ASB18: variants seen among roughly 807,000 people sequenced by gnomAD.
ASB18 encodes ankyrin repeat and SOCS box containing 18.
Under a neutral mutation model 33.4 loss-of-function variants are expected in ASB18, and 33 were observed. The observed-to-expected ratio is 0.99, with a 90% CI of 0.75 to 1.32. ASB18 has a LOEUF of 1.32. ASB18 is among the 40% of genes most tolerant of loss of function. The pLI is 0.00. For synonymous variants in ASB18, 295 were observed against 307.6 expected, an observed-to-expected ratio of 0.96 and a Z score of 0.43; for missense variants, 694 against 655.5, an observed-to-expected ratio of 1.06 and a Z score of -0.64.
Position 236,217,784 on chromosome 2 carries a change from T to G in ASB18, c.597-2918A>C, listed in dbSNP as rs569025348. 6.6e-6 allele frequency among the ~76,000 whole-genome samples: 1 copy of G among 152,306 alleles called. No individual in the cohort carries two copies. The highest frequency in any genetic ancestry group is 1.9e-4 in the East Asian group (1 of 5,188). On this transcript the variant is annotated intron_variant, in intron 3 of 5. Coordinates refer to ENST00000409749, the MANE Select transcript of ASB18 (RefSeq NM_212556.4). This position sits in a 1 kb window ranked among gnomAD's most constrained non-coding sequence, Gnocchi z 5.2. ...TGGTCTGTCTTGAGTGAAAGATCTT[T>G]ACAAACAAGTACAGTTTGATGTGGA...
rs1040634506 is a variant in ASB18 at position 236,214,166 on chromosome 2, G to C, written c.1101+196C>G. ...ATGGGGTCCCAGGAACAGCAGTCTA[G>C]GCCACACCCGGGAGCTTGTTGGCAA... On this transcript the variant is annotated intron_variant, in intron 4 of 5. Coordinates refer to ENST00000409749, the MANE Select transcript of ASB18 (RefSeq NM_212556.4). This position sits in a 1 kb window ranked among gnomAD's most constrained non-coding sequence, Gnocchi z 6.5. 3.3e-6 allele frequency: 2 copies of C among 605,370 alleles called. No individual in the cohort carries two copies. Among genetic ancestry groups the C allele is most frequent in the African/African-American group, 4.0e-5 (2 of 50,628 alleles). 37.5% of individuals were successfully genotyped at this position (605,370 alleles called of 1,614,324 possible).
In ASB18 at chr2:236,211,389, C is replaced by T. The variant is rs2060457828; in HGVS notation, c.1101+2973G>A. Reference sequence around the variant, plus strand: ...TTGATTCTCACTGCAGAGCACTGCGCCGGCTCGGAAGGATGCCCTGTGTCC... The same window carrying T: ...TTGATTCTCACTGCAGAGCACTGCGTCGGCTCGGAAGGATGCCCTGTGTCC... On this transcript the variant is annotated intron_variant, in intron 4 of 5. Transcript: ENST00000409749. This position sits in a 1 kb window ranked among gnomAD's most constrained non-coding sequence, Gnocchi z 5.0. Among the ~76,000 whole-genome samples, 1 of 152,256 alleles carries T rather than the reference C, an allele frequency of 6.6e-6. No individual in the cohort carries two copies.
rs1440625237 is a variant in ASB18, at chr2:236,239,018, AG to A, written c.329-1063del. ...AGCTTGTTGTGCACTCAGTGGGGGA[AG>A]GGGGGCCTGTGGGACTGGCATGGAA... On this transcript the variant is annotated intron_variant, in intron 2 of 5. Coordinates refer to ENST00000409749, the MANE Select transcript of ASB18 (RefSeq NM_212556.4). This position sits in a 1 kb window ranked among gnomAD's most constrained non-coding sequence, Gnocchi z 5.6. Among the ~76,000 whole-genome samples, 2 of 152,082 alleles carry A rather than the reference AG, an allele frequency of 1.3e-5. No homozygotes were observed. The highest frequency in any genetic ancestry group is 6.6e-5 in the Admixed American group (1 of 15,266).
Position 236,231,048 on chromosome 2 carries a change from C to T in ASB18, c.596+6641G>A, listed in dbSNP as rs2060562250. 6.6e-6 allele frequency among the ~76,000 whole-genome samples: 1 copy of T among 152,154 alleles called. No individual in the cohort carries two copies. Among genetic ancestry groups the T allele is most frequent in the African/African-American group, 2.4e-5 (1 of 41,422 alleles). Reference sequence around the variant, plus strand: ...GTAGGCAGTATCTAGCATGGTCCCCCACTGAAGTCTATCTTCTGGTGTCCA... The same window carrying T: ...GTAGGCAGTATCTAGCATGGTCCCCTACTGAAGTCTATCTTCTGGTGTCCA... On this transcript the variant is annotated intron_variant, in intron 3 of 5. Transcript: ENST00000409749. The surrounding 1 kb of genome is among the most constrained non-coding windows in gnomAD (Gnocchi z 5.5).
chr2:236,230,530 T>C (rs2060559358), intron 3 of ASB18, among the ~76,000 whole-genome samples: 1 of 151,854 alleles, frequency 6.6e-6, no homozygotes, highest in African/African-American at 2.4e-5. Flanking sequence ...AGCAATGTAT[T>C]GCAGGACTTT....
chr2:236,249,457 C>T lies in ASB18; in HGVS notation c.206-8055G>A, dbSNP rs2060659360. On this transcript the variant is annotated intron_variant, in intron 1 of 5. Transcript: ENST00000409749. The surrounding 1 kb of genome is among the most constrained non-coding windows in gnomAD (Gnocchi z 4.6). ...TCACTTCCATTTCTGTTTCCATTCT[C>T]TCTGGTACAGCCATGGAAATCCTCC... The T allele has an allele frequency of 6.6e-6, 1 of 152,250 alleles. No homozygotes were observed. Among genetic ancestry groups the T allele is most frequent in the South Asian group, 2.1e-4 (1 of 4,820 alleles). 9.4% of individuals were successfully genotyped at this position (152,250 alleles called of 1,614,324 possible).
At position 236,214,960 on chromosome 2, in the gene ASB18, T is replaced by C. The variant is rs2060480856; in HGVS notation, c.597-94A>G. 1 of 1,014,168 alleles carries C rather than the reference T, an allele frequency of 9.9e-7. No individual in the cohort carries two copies. 62.8% of individuals were successfully genotyped at this position (1,014,168 alleles called of 1,614,324 possible). A position where few individuals can be genotyped will look rare whatever the true frequency, so the allele number is the denominator to read the frequency against. The stretch of plus-strand genomic sequence containing the variant: ...CTGCTGCAAAATATCAAGTGACCTC[T>C]GAATGAAAAGACATGCTCCGCTCTC... On this transcript the variant is annotated intron_variant, in intron 3 of 5. Coordinates refer to ENST00000409749, the MANE Select transcript of ASB18 (RefSeq NM_212556.4). The surrounding 1 kb of genome is among the most constrained non-coding windows in gnomAD (Gnocchi z 6.5).
rs2060374791 is a variant in ASB18, at chr2:236,196,617, A to G, written c.1102-232T>C. ...CTGCAAGGGAGCCCTCCTTCCCATCATGATGGCCGCCCAGCCAAAGTCTGG... is the reference window on the plus strand; with the variant it reads ...CTGCAAGGGAGCCCTCCTTCCCATCGTGATGGCCGCCCAGCCAAAGTCTGG... On this transcript the variant is annotated intron_variant, in intron 4 of 5. Coordinates refer to ENST00000409749, the MANE Select transcript of ASB18 (RefSeq NM_212556.4). The surrounding 1 kb of genome is among the most constrained non-coding windows in gnomAD (Gnocchi z 5.6). Among the ~76,000 whole-genome samples the G allele has an allele frequency of 6.6e-6, 1 of 152,234 alleles. No homozygotes were observed. Among genetic ancestry groups the G allele is most frequent in the Non-Finnish European group, 1.5e-5 (1 of 68,042 alleles).
rs546018268 is a variant in ASB18 at position 236,200,200 on chromosome 2, T to G, written c.1102-3815A>C. 3.3e-5 allele frequency among the ~76,000 whole-genome samples: 5 copies of G among 152,112 alleles called. No individual in the cohort carries two copies. The East Asian group carries it at 9.7e-4, about 29-fold the overall frequency. ...CATCTCTACTAAAAATACAACAAAATTAGCCAGGCATGGTGGTGCACATCT... is the reference window on the plus strand; with the variant it reads ...CATCTCTACTAAAAATACAACAAAAGTAGCCAGGCATGGTGGTGCACATCT... On this transcript the variant is annotated intron_variant, in intron 4 of 5. Coordinates refer to ENST00000409749, the MANE Select transcript of ASB18 (RefSeq NM_212556.4). The surrounding 1 kb of genome is among the most constrained non-coding windows in gnomAD (Gnocchi z 4.2).
At chr2:236,242,039 A>G (rs2060623708) in intron 1 of ASB18, among the ~76,000 whole-genome samples, 1 of 152,130 alleles carries the variant, frequency 6.6e-6, no homozygotes, top group African/African-American at 2.4e-5. Flanking sequence ...TGCTCAGAGG[A>G]AAGAAACAAG....
At position 236,208,416 on chromosome 2, in the gene ASB18, C is replaced by T. The variant is rs891696682; in HGVS notation, c.1101+5946G>A. Among the ~76,000 whole-genome samples, 1 of 152,188 alleles carries T rather than the reference C, an allele frequency of 6.6e-6. No homozygotes were observed. The highest frequency in any genetic ancestry group is 1.5e-5 in the Non-Finnish European group (1 of 68,038). ...TAAGAAGGACTCACGCTGGACCCCT[C>T]GGGATGGAGTCTGCTGCTATTTATC... On this transcript the variant is annotated intron_variant, in intron 4 of 5. Transcript: ENST00000409749. This position sits in a 1 kb window ranked among gnomAD's most constrained non-coding sequence, Gnocchi z 7.7.
intron 1 of ASB18, among the ~76,000 whole-genome samples, chr2:236,246,220 G>A (rs376744202): frequency 3.3e-5 from 5 of 152,034 alleles, no homozygotes; most frequent in African/African-American, 1.2e-4. Flanking sequence ...TGGTGTGGTG[G>A]CACATGCCTG....
At position 236,194,898 on chromosome 2, in the gene ASB18, A is replaced by T; in HGVS notation, c.1375T>A (p.Leu459Met). The T allele has an allele frequency of 6.2e-7, 1 of 1,613,688 alleles. No homozygotes were observed. Among genetic ancestry groups the T allele is most frequent in the East Asian group, 2.2e-5 (1 of 44,868 alleles). The change falls in exon 6 of 6, where the codon TTG (leucine) becomes ATG (methionine). Residue 459 changes from leucine (L) to methionine (M), a missense_variant. By Grantham distance (15) the Leu-to-Met change is conservative. Transcript: ENST00000409749. The surrounding 1 kb of genome is among the most constrained non-coding windows in gnomAD (Gnocchi z 4.5). ...CAGTGCAAAACACCCTGTGGCTCCAAAAGTAGGTAATTCTGCAGGGGCTTT... is the reference window on the plus strand; with the variant it reads ...CAGTGCAAAACACCCTGTGGCTCCATAAGTAGGTAATTCTGCAGGGGCTTT... ...LPKPLQNYLLLEPQGVLH is the reference protein window; with the variant it reads ...LPKPLQNYLLMEPQGVLH
intron 3 of ASB18, among the ~76,000 whole-genome samples, chr2:236,230,455 T>A (rs977363014): frequency 1.3e-5 from 2 of 151,198 alleles, no homozygotes; most frequent in South Asian, 2.1e-4. Context: ...TGAGTAAACA[T>A]AAACACTTGT....
chr2:236,237,960 CGG>C lies in ASB18; in HGVS notation c.329-6_329-5del. The C allele has an allele frequency of 2.0e-6, 3 of 1,488,154 alleles. No homozygotes were observed. Among genetic ancestry groups the C allele is most frequent in the Non-Finnish European group, 2.7e-6 (3 of 1,126,890 alleles). The allele number at this position is 1,488,154 out of a possible 1,614,324, so 92.2% of individuals were successfully genotyped here. ...TTGTACTCCAGGGTCCAGAGGCCTG[CGG>C]GGAGGGAGGTGGGATGTAAGGTCAG... is the stretch of plus-strand genomic sequence containing the variant. On this transcript the variant is annotated splice_region_variant and splice_polypyrimidine_tract_variant and intron_variant, in intron 2 of 5. Coordinates refer to ENST00000409749, the MANE Select transcript of ASB18 (RefSeq NM_212556.4). This position sits in a 1 kb window ranked among gnomAD's most constrained non-coding sequence, Gnocchi z 6.2.
At position 236,248,082 on chromosome 2, in the gene ASB18, A is replaced by G. The variant is rs2060652585; in HGVS notation, c.206-6680T>C. The G allele has an allele frequency of 6.6e-6, 1 of 152,198 alleles. No individual in the cohort carries two copies. The highest frequency in any genetic ancestry group is 6.5e-5 in the Admixed American group (1 of 15,278). 9.4% of individuals were successfully genotyped at this position (152,198 alleles called of 1,614,324 possible). ...TGCCAGTTTCATGACAGCCTCTTGG[A>G]AAAGATGGAAACAGTGCGAGTCTTT... On this transcript the variant is annotated intron_variant, in intron 1 of 5. Transcript: ENST00000409749. This position sits in a 1 kb window ranked among gnomAD's most constrained non-coding sequence, Gnocchi z 4.9.
At position 236,234,775 on chromosome 2, in the gene ASB18, A is replaced by G. The variant is rs946567513; in HGVS notation, c.596+2914T>C. Among the ~76,000 whole-genome samples, 2 of 152,236 alleles carry G rather than the reference A, an allele frequency of 1.3e-5. No homozygotes were observed. The highest frequency in any genetic ancestry group is 2.9e-5 in the Non-Finnish European group (2 of 68,046). Reference sequence around the variant, plus strand: ...AAAGCTTCAATCCCTACCTCACATCATATTCAGAAATGAACTCAAAATGGA... The same window carrying G: ...AAAGCTTCAATCCCTACCTCACATCGTATTCAGAAATGAACTCAAAATGGA... On this transcript the variant is annotated intron_variant, in intron 3 of 5. Transcript: ENST00000409749. This position sits in a 1 kb window ranked among gnomAD's most constrained non-coding sequence, Gnocchi z 4.1.
rs1198485884 is a variant in ASB18 at position 236,225,207 on chromosome 2, G to A, written c.597-10341C>T. On this transcript the variant is annotated intron_variant, in intron 3 of 5. Transcript: ENST00000409749. This position sits in a 1 kb window ranked among gnomAD's most constrained non-coding sequence, Gnocchi z 5.1. ...CATGATCATGACTCACTGTAGCCTC[G>A]ACTTCCTGGGCTCAAGTGATCCTCC... 1.3e-5 allele frequency among the ~76,000 whole-genome samples: 2 copies of A among 151,888 alleles called. No homozygotes were observed. The highest frequency in any genetic ancestry group is 2.4e-5 in the African/African-American group (1 of 41,316).
rs1452343206 is a variant in ASB18 at position 236,205,993 on chromosome 2, T to G, written c.1101+8369A>C. The stretch of plus-strand genomic sequence containing the variant: ...AATGTATATAGGTATGTGCCTCCTG[T>G]CATTGATTTGCAGAGAACACCCTTT... On this transcript the variant is annotated intron_variant, in intron 4 of 5. Transcript: ENST00000409749. This position sits in a 1 kb window ranked among gnomAD's most constrained non-coding sequence, Gnocchi z 5.4. 1.3e-5 allele frequency among the ~76,000 whole-genome samples: 2 copies of G among 152,186 alleles called. No individual in the cohort carries two copies. Among genetic ancestry groups the G allele is most frequent in the Non-Finnish European group, 2.9e-5 (2 of 68,040 alleles).
Sources: allele counts gnomAD v4.1 joint callset (sites outside exome capture counted in the v4.1 genomes callset), GRCh38; gene constraint gnomAD v4.1.1; non-coding constraint Gnocchi (gnomAD v3.1); transcripts MANE v1.5; gene names NCBI Gene and HGNC (gene_info 2026-07-23, HGNC 2026-07-21).